The following PKLR variants were observed in gnomAD, a reference collection of about 807,000 sequenced individuals.
The protein encoded by PKLR is pyruvate kinase PKLR.
In PKLR, 38 loss-of-function variants were observed where a neutral mutation model predicts 53.6. The ratio of observed to expected loss-of-function variants is 0.71; its 90% confidence interval spans 0.55 to 0.93. The LOEUF (loss-of-function observed/expected upper bound fraction) is 0.93, where lower values mean the gene tolerates loss of function less well. Among genes scored for constraint, PKLR ranks in the 40% least tolerant of loss-of-function variants. PKLR has a pLI of 0.00. For missense variants in PKLR, 702 were observed against 787.3 expected (o/e 0.89, Z 1.30); for synonymous variants, 328 against 316.2 (o/e 1.04, Z -0.39).
chr1:155,295,739 C>T lies in PKLR; in HGVS notation c.301G>A (p.Val101Met), dbSNP rs143984223. Reference sequence around the variant, plus strand: ...TTGATCATCTCCTTGAGGCGCTCCACGGAGCGAGATGCTGGCCCTAGAACC... The same window carrying T: ...TTGATCATCTCCTTGAGGCGCTCCATGGAGCGAGATGCTGGCCCTAGAACC... ...IATIGPASRS[V>M]ERLKEMIKAG... is the part of the protein sequence containing the mutation. Residue 101 changes from valine to methionine, a missense_variant, in exon 3 of 11, where the codon GTG (valine) becomes ATG (methionine). Physicochemically the swap from Val to Met is conservative, Grantham distance 21 (BLOSUM62 1). Transcript: ENST00000342741. The surrounding 1 kb of genome is among the most constrained non-coding windows in gnomAD (Gnocchi z 4.3). The T allele has an allele frequency of 1.2e-6, 2 of 1,613,668 alleles. No individual in the cohort carries two copies. The highest frequency in any genetic ancestry group is 1.7e-6 in the Non-Finnish European group (2 of 1,179,714).
At chr1:155,303,066 C>T (rs1648118128), upstream of PKLR, among the ~76,000 whole-genome samples, 2 of 152,156 alleles carry the variant, frequency 1.3e-5, no homozygotes, top group South Asian at 4.1e-4. Context: ...TACCCCGAAC[C>T]CCTCCTTGAG....
At chr1:155,303,884 G>A (rs1190024467), upstream of PKLR, among the ~76,000 whole-genome samples, 2 of 152,162 alleles carry the variant, frequency 1.3e-5, no homozygotes, top group African/African-American at 4.8e-5. Flanking sequence ...AGAAGGAACC[G>A]GTGGGGGCAA....
chr1:155,294,480 A>G lies in PKLR; in HGVS notation c.965+2T>C. The G allele has an allele frequency of 6.2e-7, 1 of 1,614,120 alleles. No individual in the cohort carries two copies. Among genetic ancestry groups the G allele is most frequent in the African/African-American group, 1.3e-5 (1 of 75,000 alleles). On this transcript the variant is annotated splice_donor_variant, in intron 6 of 10. Transcript: ENST00000342741. LOFTEE classifies it high-confidence loss of function. The stretch of plus-strand genomic sequence containing the variant: ...CGAAGGGGAACAGAGCCCAAGCCTC[A>G]CCTCTTCACGCCTTCGTGGTTCTCA...
chr1:155,302,167 C>T (rs1280386738), upstream of PKLR, among the ~76,000 whole-genome samples: 2 of 151,314 alleles, frequency 1.3e-5, no homozygotes, highest in African/African-American at 2.4e-5. Flanking sequence ...CTCAGCCTAC[C>T]GAGTAGCTGG....
rs377686814 is a variant in PKLR at position 155,299,032 on chromosome 1, TTC to T, written c.283+1064_283+1065del. On this transcript the variant is annotated intron_variant, in intron 2 of 10. Coordinates refer to ENST00000342741, the MANE Select transcript of PKLR (RefSeq NM_000298.6). ...TTTCTTTCTTTCTTTCTTTCTTTCT[TTC>T]TCTTTCTTTCTTTCTTTCCTTCCTT... 0.021 allele frequency among the ~76,000 whole-genome samples: 1,101 copies of T among 51,324 alleles called. 72 individuals carry two copies. In the East Asian group the frequency reaches 0.22, roughly 10 times the overall value. 33.7% of individuals were successfully genotyped at this position (51,324 alleles called of 152,430 possible).
upstream of PKLR, among the ~76,000 whole-genome samples, chr1:155,303,926 C>T (rs894948415): frequency 4.4e-4 from 67 of 151,792 alleles, no homozygotes; most frequent in African/African-American, 5.6e-4. Flanking sequence ...GGCGGCGGGG[C>T]GGGGGCAGAA....
rs750857114 is a variant in PKLR, at chr1:155,300,098, C to T, written c.283G>A (p.Gly95Arg). The T allele has an allele frequency of 2.5e-6, 4 of 1,613,448 alleles. No individual in the cohort carries two copies. The highest frequency in any genetic ancestry group is 1.3e-5 in the African/African-American group (1 of 74,912). The change falls in exon 2 of 11, where the codon GGG becomes AGG. Residue 95 changes from glycine to arginine, a missense_variant and splice_region_variant. By Grantham distance (125) the Gly-to-Arg change is moderately radical. This residue lies in a region of PKLR where 519 missense variants were observed against 537.1 expected (regional missense o/e 0.97). Transcript: ENST00000342741. ...ARSTSIIATI[G>R]PASRSVERLK... ...GCTGCAGGGGGATGGGAGTGCTTACCGATGGTGGCAATGATGCTGGTACTG... is the reference window on the plus strand; with the variant it reads ...GCTGCAGGGGGATGGGAGTGCTTACTGATGGTGGCAATGATGCTGGTACTG...
chr1:155,292,165 G>T (rs1211374220), intron 9 of PKLR, among the ~76,000 whole-genome samples: 1 of 148,546 alleles, frequency 6.7e-6, no homozygotes, highest in South Asian at 2.1e-4. Flanking sequence ...TTGGGAGGCC[G>T]AGATGGGAGA....
rs1647404847 is a variant in PKLR, at chr1:155,294,217, C to G, written c.1116+18G>C. 1 of 1,614,118 alleles carries G rather than the reference C, an allele frequency of 6.2e-7. No homozygotes were observed. The highest frequency in any genetic ancestry group is 8.5e-7 in the Non-Finnish European group (1 of 1,179,928). On this transcript the variant is annotated intron_variant, in intron 7 of 10. Transcript: ENST00000342741. ...CTAAAACCCACAGAGTGCCGAACCT[C>G]AAGGCCTCACTCCAGACCTGTGTGG... is the stretch of plus-strand genomic sequence containing the variant.
At chr1:155,298,952 TC>T (rs1647762427) in intron 2 of PKLR, among the ~76,000 whole-genome samples, 1 of 149,622 alleles carries the variant, frequency 6.7e-6, no homozygotes, top group African/African-American at 2.5e-5. Flanking sequence ...CAACTTTCAC[TC>T]CTTTCTTTCT....
chr1:155,298,953 C>CCTTTCTTTCTTTCTTTCTTT (rs530027982), intron 2 of PKLR, among the ~76,000 whole-genome samples: 8 of 103,804 alleles, frequency 7.7e-5, no homozygotes, highest in South Asian at 3.5e-4. Context: ...AACTTTCACT[C>CCTTTCTTTCTTTCTTTCTTT]CTTTCTTTCT....
chr1:155,295,385 C>CA lies in PKLR; in HGVS notation c.507+51dup. The stretch of plus-strand genomic sequence containing the variant: ...CTGCCCACGCCTGGGCCCAACCCTA[C>CA]AGGCGCCGCCTTTCCGGCCCTGGCC... On this transcript the variant is annotated intron_variant, in intron 4 of 10. Transcript: ENST00000342741. The surrounding 1 kb of genome is among the most constrained non-coding windows in gnomAD (Gnocchi z 4.3). 1 of 1,612,818 alleles carries CA rather than the reference C, an allele frequency of 6.2e-7. No homozygotes were observed. The highest frequency in any genetic ancestry group is 1.3e-5 in the African/African-American group (1 of 75,002).
chr1:155,291,988 A>C, intron 9 of PKLR, 51 bp from the exon 10 acceptor site: 1 of 1,555,404 alleles, frequency 6.4e-7, no homozygotes, highest in Non-Finnish European at 8.9e-7. Context: ...GTGGTGAACG[A>C]GGAAAGGAGA....
intron 2 of PKLR, among the ~76,000 whole-genome samples, chr1:155,298,918 T>C (rs575907154): frequency 8.6e-5 from 13 of 151,912 alleles, no homozygotes; most frequent in Middle Eastern, 3.2e-3. Flanking sequence ...GCTGGGATTA[T>C]AGGCAAGAGC....
chr1:155,300,105 G>A lies in PKLR; in HGVS notation c.276C>T (p.Ala92=). The change falls in exon 2 of 11, where the codon GCC becomes GCT. Residue 92 remains alanine (A), a synonymous_variant. Coordinates refer to ENST00000342741, the MANE Select transcript of PKLR (RefSeq NM_000298.6). ...PVAARSTSII[A]TIGPASRSVE... ...GGGGATGGGAGTGCTTACCGATGGTGGCAATGATGCTGGTACTGCGAGCAG... is the reference window on the plus strand; with the variant it reads ...GGGGATGGGAGTGCTTACCGATGGTAGCAATGATGCTGGTACTGCGAGCAG... 2 of 1,613,776 alleles carry A rather than the reference G, an allele frequency of 1.2e-6. No individual in the cohort carries two copies. The highest frequency in any genetic ancestry group is 1.7e-6 in the Non-Finnish European group (2 of 1,179,946).
In PKLR at chr1:155,291,754, A is replaced by G. The variant is rs983394596; in HGVS notation, c.1618+2T>C. 1 of 1,613,442 alleles carries G rather than the reference A, an allele frequency of 6.2e-7. No homozygotes were observed. Among genetic ancestry groups the G allele is most frequent in the Non-Finnish European group, 8.5e-7 (1 of 1,179,396 alleles). ...GTGGCAGGGAAGGTCTAGGTAGCTC[A>G]CCACTTTCAATGCCAAATTGCACCC... On this transcript the variant is annotated splice_donor_variant, in intron 10 of 10. Transcript: ENST00000342741. LOFTEE classifies it high-confidence loss of function.
At chr1:155,302,276 G>T (rs1648055437), upstream of PKLR, among the ~76,000 whole-genome samples, 2 of 133,260 alleles carry the variant, frequency 1.5e-5, no homozygotes, top group African/African-American at 5.7e-5. Context: ...TGACTCTGTT[G>T]CCCAGGTTGG....
In PKLR at chr1:155,301,158, G is replaced by A. The variant is rs1647972260; in HGVS notation, c.100+138C>T. On this transcript the variant is annotated intron_variant, in intron 1 of 10. Transcript: ENST00000342741. ...GGGTCCATAATTTAACACACGGGAGGCTCTGAAGAACGTACGTTCCTCTCC... is the reference window on the plus strand; with the variant it reads ...GGGTCCATAATTTAACACACGGGAGACTCTGAAGAACGTACGTTCCTCTCC... The A allele has an allele frequency of 8.3e-6, 11 of 1,325,212 alleles. No individual in the cohort carries two copies. In the Middle Eastern group the frequency reaches 7.3e-4, roughly 88 times the overall value. 82.1% of individuals were successfully genotyped at this position (1,325,212 alleles called of 1,614,324 possible).
rs753478473 is a variant in PKLR, at chr1:155,295,080, G to T, written c.694+36C>A. 12 of 1,600,424 alleles carry T rather than the reference G, an allele frequency of 7.5e-6. No individual in the cohort carries two copies. Among genetic ancestry groups the T allele is most frequent in the South Asian group, 1.1e-5 (1 of 90,656 alleles). On this transcript the variant is annotated intron_variant, in intron 5 of 10. Coordinates refer to ENST00000342741, the MANE Select transcript of PKLR (RefSeq NM_000298.6). This position sits in a 1 kb window ranked among gnomAD's most constrained non-coding sequence, Gnocchi z 4.3. ...CCAAGGAGAAGGGAATGTGCCCAGC[G>T]CACGGATGTGGTCAGGGCGGGAGGC...
Sources: allele counts gnomAD v4.1 joint callset (sites outside exome capture counted in the v4.1 genomes callset), GRCh38; gene constraint gnomAD v4.1.1; regional missense constraint gnomAD v4.1.1; non-coding constraint Gnocchi (gnomAD v3.1); transcripts MANE v1.5; gene names NCBI Gene and HGNC (gene_info 2026-07-23, HGNC 2026-07-21).